The following ATXN7L1 variants were observed in gnomAD, a reference collection of about 807,000 sequenced individuals.
ATXN7L1 encodes the protein ataxin 7 like 1.
ATXN7L1 carries 15 observed loss-of-function variants against 70.8 expected under a neutral mutation model. The ratio of observed to expected loss-of-function variants is 0.21; its 90% CI spans 0.14 to 0.33. The LOEUF (loss-of-function observed/expected upper bound fraction) is 0.33, where lower values mean the gene tolerates loss of function less well. Among genes scored for constraint, ATXN7L1 ranks in the 10% least tolerant of loss-of-function variants. ATXN7L1 has a pLI of 1.00. For synonymous variants in ATXN7L1, 440 were observed against 445.1 expected (o/e 0.99, Z 0.14); for missense variants, 975 against 1,097.1 (o/e 0.89, Z 1.57).
intron 2 of ATXN7L1, among the ~76,000 whole-genome samples, chr7:105,835,347 T>C (rs958776352): frequency 3.3e-5 from 5 of 151,544 alleles, no homozygotes; most frequent in Non-Finnish European, 7.4e-5. Flanking sequence ...TAGAGATGGA[T>C]TCTAGCCATG....
chr7:105,816,287 A>C (rs1292033775), intron 2 of ATXN7L1, among the ~76,000 whole-genome samples: 1 of 152,174 alleles, frequency 6.6e-6, no homozygotes, highest in Non-Finnish European at 1.5e-5. Flanking sequence ...GGCTGGGGAG[A>C]GTCTGAGAAG....
At chr7:105,809,773 C>CTT (rs149047532) in intron 2 of ATXN7L1, among the ~76,000 whole-genome samples, 7 of 146,170 alleles carry the variant, frequency 4.8e-5, no homozygotes, top group Non-Finnish European at 7.5e-5. Context: ...CTCCAGACTC[C>CTT]TTTTTTTTTT....
At chr7:105,783,275 T>A (rs1374242988) in intron 3 of ATXN7L1, among the ~76,000 whole-genome samples, 1 of 152,232 alleles carries the variant, frequency 6.6e-6, no homozygotes, top group East Asian at 1.9e-4. Context: ...ATATATTTGG[T>A]CTTTATCCCC....
At chr7:105,856,694 C>G (rs1251152905) in intron 2 of ATXN7L1, among the ~76,000 whole-genome samples, 1 of 151,766 alleles carries the variant, frequency 6.6e-6, no homozygotes, top group Admixed American at 6.6e-5. Context: ...TCCATATGCA[C>G]TAACTTTTTT....
chr7:105,739,665 A>T (rs1039200140), intron 3 of ATXN7L1, among the ~76,000 whole-genome samples: 8 of 152,206 alleles, frequency 5.3e-5, no homozygotes, highest in Admixed American at 4.6e-4. Context: ...AGTAGATTAG[A>T]TCAGAGGTTC....
At chr7:105,761,936 G>T (rs1489635840) in intron 3 of ATXN7L1, among the ~76,000 whole-genome samples, 2 of 152,202 alleles carry the variant, frequency 1.3e-5, no homozygotes, top group Non-Finnish European at 2.9e-5. Flanking sequence ...AGTTTGATTA[G>T]CTTATTCCCT....
intron 7 of ATXN7L1, among the ~76,000 whole-genome samples, chr7:105,633,930 G>A (rs1029006054): frequency 6.6e-6 from 1 of 152,146 alleles, no homozygotes; most frequent in Non-Finnish European, 1.5e-5. Context: ...GTGTGCTCGT[G>A]TGTGCACACA....
intron 9 of ATXN7L1, among the ~76,000 whole-genome samples, chr7:105,619,165 T>TTTTTTTTTTTTA: frequency 7.1e-6 from 1 of 140,614 alleles, no homozygotes; most frequent in South Asian, 2.4e-4. Context: ...TTTTTTTTTT[T>TTTTTTTTTTTTA]GAGACGGAGT....
intron 3 of ATXN7L1, among the ~76,000 whole-genome samples, chr7:105,757,014 A>C (rs756817042): frequency 6.6e-6 from 1 of 152,208 alleles, no homozygotes; most frequent in Non-Finnish European, 1.5e-5. Flanking sequence ...ATATGATAAA[A>C]GGCTCCCTTC....
chr7:105,789,431 T>G (rs1804801508), intron 2 of ATXN7L1, among the ~76,000 whole-genome samples: 1 of 151,980 alleles, frequency 6.6e-6, no homozygotes, highest in African/African-American at 2.4e-5. Flanking sequence ...TGTTAGGGGC[T>G]ATGGAGGAGA....
At chr7:105,740,572 A>G (rs1797882121) in intron 3 of ATXN7L1, among the ~76,000 whole-genome samples, 1 of 152,050 alleles carries the variant, frequency 6.6e-6, no homozygotes, top group South Asian at 2.1e-4. Context: ...TGGGATGGAA[A>G]AACCACTGAT....
At chr7:105,694,265 C>T (rs1263371553) in intron 3 of ATXN7L1, among the ~76,000 whole-genome samples, 5 of 151,958 alleles carry the variant, frequency 3.3e-5, no homozygotes, top group African/African-American at 1.2e-4. Context: ...AGGCTGGTCT[C>T]GATCTCCTGA....
intron 3 of ATXN7L1, among the ~76,000 whole-genome samples, chr7:105,768,935 A>AT (rs890557142): frequency 5.9e-4 from 89 of 152,136 alleles, no homozygotes; most frequent in Non-Finnish European, 5.7e-4. Flanking sequence ...TACTGGGTGC[A>AT]TTTTTTTGCT....
chr7:105,610,672 T>G (rs1252681870), intron 10 of ATXN7L1, 69 bp from the exon 11 acceptor site: 2 of 1,341,976 alleles, frequency 1.5e-6, no homozygotes, highest in Non-Finnish European at 2.1e-6. Flanking sequence ...CGATGCCACA[T>G]GTTCTAGGGG....
At chr7:105,733,581 C>CCCAT (rs1234937909) in intron 3 of ATXN7L1, among the ~76,000 whole-genome samples, 260 of 20,116 alleles carry the variant, frequency 0.013, 18 homozygotes, top group African/African-American at 0.021. Flanking sequence ...CATCCATCCA[C>CCCAT]CCATCCATCC....
intron 7 of ATXN7L1, among the ~76,000 whole-genome samples, chr7:105,625,896 G>A (rs753115893): frequency 1.4e-3 from 213 of 152,314 alleles, no homozygotes; most frequent in Middle Eastern, 0.01. Flanking sequence ...GCAGGGAGAG[G>A]TGACAAAGAT....
chr7:105,678,949 C>T (rs1398353411), intron 3 of ATXN7L1: 3 of 520,732 alleles, frequency 5.8e-6, no homozygotes, highest in Non-Finnish European at 7.4e-6. Context: ...CTAAATGCCT[C>T]GTGGGCTGCC....
chr7:105,697,163 T>C (rs573786517), intron 3 of ATXN7L1, among the ~76,000 whole-genome samples: 6 of 152,330 alleles, frequency 3.9e-5, no homozygotes, highest in Admixed American at 3.9e-4. Flanking sequence ...ATTGATAACA[T>C]CTTATCAGGA....
chr7:105,639,160 CGCCGCT>C (rs965378321), intron 6 of ATXN7L1, among the ~76,000 whole-genome samples: 5 of 152,168 alleles, frequency 3.3e-5, no homozygotes, highest in South Asian at 2.1e-4. Flanking sequence ...CCGCCGCCGC[CGCCGCT>C]GCCGCTGCTC....
Sources: allele counts gnomAD v4.1 joint callset (sites outside exome capture counted in the v4.1 genomes callset), GRCh38; gene constraint gnomAD v4.1.1; transcripts MANE v1.5; gene names NCBI Gene and HGNC (gene_info 2026-07-23, HGNC 2026-07-21).